GALNT13: variants seen among roughly 807,000 people sequenced by gnomAD.
The protein encoded by GALNT13 is polypeptide N-acetylgalactosaminyltransferase 13.
In GALNT13, 28 loss-of-function variants were observed where a neutral mutation model predicts 64.2. That is an observed-to-expected ratio of 0.44 (90% CI 0.32 to 0.60). The LOEUF (loss-of-function observed/expected upper bound fraction) is 0.60. GALNT13 is among the 20% of genes least tolerant of loss of function. The probability of loss-of-function intolerance (pLI) is 0.05; values close to 1 mark genes in which losing one functional copy is unlikely to be tolerated. For synonymous variants in GALNT13, 214 were observed against 224.6 expected, an observed-to-expected ratio of 0.95 and a Z score of 0.42; for missense variants, 577 against 669.8, an observed-to-expected ratio of 0.86 and a Z score of 1.53.
chr2:154,211,098 A>C (rs1183254986), intron 4 of GALNT13, among the ~76,000 whole-genome samples: 2 of 151,696 alleles, frequency 1.3e-5, no homozygotes, highest in Non-Finnish European at 2.9e-5. Flanking sequence ...GAAATGTGTG[A>C]GTTTTCAACA....
chr2:154,049,042 T>A (rs1031951267), intron 3 of GALNT13, among the ~76,000 whole-genome samples: 8 of 152,134 alleles, frequency 5.3e-5, no homozygotes, highest in South Asian at 2.1e-4. Context: ...AAGAATTTTT[T>A]AAAAAAATAA....
At chr2:153,947,459 A>G (rs936482688) in intron 3 of GALNT13, among the ~76,000 whole-genome samples, 6 of 149,066 alleles carry the variant, frequency 4.0e-5, no homozygotes, top group African/African-American at 1.5e-4. Flanking sequence ...TTTTTTTCAT[A>G]TGATTGTTGG....
At chr2:153,495,621 C>T in the GALNT13 span, among the ~76,000 whole-genome samples, 5 of 152,136 alleles carry the variant, frequency 3.3e-5, no homozygotes, top group Non-Finnish European at 5.9e-5. Flanking sequence ...GGATGAATCT[C>T]AAAATGCTGA....
chr2:153,760,931 T>C, the GALNT13 span, among the ~76,000 whole-genome samples: 2 of 152,186 alleles, frequency 1.3e-5, no homozygotes, highest in Admixed American at 6.5e-5. Context: ...ATTATGTATT[T>C]ACACTTGTTA....
At chr2:153,976,282 C>T (rs935216034) in intron 3 of GALNT13, among the ~76,000 whole-genome samples, 1 of 152,052 alleles carries the variant, frequency 6.6e-6, no homozygotes, top group African/African-American at 2.4e-5. Context: ...ATTAATCAAT[C>T]TGCTTTACAA....
chr2:154,329,977 T>C (rs1340930727), intron 9 of GALNT13, among the ~76,000 whole-genome samples: 1 of 152,072 alleles, frequency 6.6e-6, no homozygotes, highest in Non-Finnish European at 1.5e-5. Flanking sequence ...CCTCTTTTCT[T>C]TGTAAATTAC....
chr2:153,678,156 A>AATATATATATATAT, the GALNT13 span, among the ~76,000 whole-genome samples: 12 of 145,654 alleles, frequency 8.2e-5, no homozygotes, highest in South Asian at 2.2e-4. Flanking sequence ...CCGACAAATG[A>AATATATATATATAT]ATATATATAT....
At chr2:154,020,689 A>C (rs1309827375) in intron 3 of GALNT13, among the ~76,000 whole-genome samples, 1 of 150,198 alleles carries the variant, frequency 6.7e-6, no homozygotes, top group Non-Finnish European at 1.5e-5. Context: ...TGCTGTGCAG[A>C]AGCTCTTTAG....
chr2:153,838,370 T>C, the GALNT13 span, among the ~76,000 whole-genome samples: 1 of 152,036 alleles, frequency 6.6e-6, no homozygotes, highest in African/African-American at 2.4e-5. Context: ...TCTAGGATTT[T>C]TATGGTTTCA....
At chr2:154,034,295 T>C (rs1308101238) in intron 3 of GALNT13, among the ~76,000 whole-genome samples, 2 of 152,128 alleles carry the variant, frequency 1.3e-5, no homozygotes. Flanking sequence ...AAAAACTAAA[T>C]GAACTATTGA....
At chr2:154,225,153 A>C (rs1049564989) in intron 4 of GALNT13, among the ~76,000 whole-genome samples, 1 of 115,006 alleles carries the variant, frequency 8.7e-6, no homozygotes, top group Non-Finnish European at 1.8e-5. Context: ...GATGACAGAT[A>C]GATAGATGAT....
At chr2:153,221,958 T>C in the GALNT13 span, among the ~76,000 whole-genome samples, 1 of 152,114 alleles carries the variant, frequency 6.6e-6, no homozygotes, top group African/African-American at 2.4e-5. Context: ...AGGTCTGGGC[T>C]CCCTGAAGAG....
intron 3 of GALNT13, among the ~76,000 whole-genome samples, chr2:154,095,553 T>C (rs559876129): frequency 1.4e-3 from 215 of 152,030 alleles, no homozygotes; most frequent in Non-Finnish European, 2.1e-3. Context: ...TTCATTCTTA[T>C]CCTTAACTAT....
the GALNT13 span, among the ~76,000 whole-genome samples, chr2:153,754,377 C>A: frequency 5.3e-5 from 8 of 152,138 alleles, no homozygotes; most frequent in Non-Finnish European, 1.2e-4. Context: ...TATTCAGAGC[C>A]CAAGGGCTCT....
chr2:153,383,737 A>C, the GALNT13 span, among the ~76,000 whole-genome samples: 1 of 152,024 alleles, frequency 6.6e-6, no homozygotes, highest in Non-Finnish European at 1.5e-5. Context: ...TCCAATTTAC[A>C]AGTAAGAGGC....
chr2:153,369,048 T>G, the GALNT13 span, among the ~76,000 whole-genome samples: 4,177 of 152,122 alleles, frequency 0.027, 177 homozygotes, highest in African/African-American at 0.094. Context: ...TATTTGGAAA[T>G]TAAGTATCAT....
the GALNT13 span, among the ~76,000 whole-genome samples, chr2:153,409,332 G>A: frequency 4.7e-4 from 65 of 137,086 alleles, no homozygotes; most frequent in African/African-American, 2.1e-3. Context: ...ATATTCATAT[G>A]TATATGTATA....
At chr2:153,355,193 A>G in the GALNT13 span, among the ~76,000 whole-genome samples, 2 of 152,182 alleles carry the variant, frequency 1.3e-5, no homozygotes, top group African/African-American at 4.8e-5. Context: ...TTGTCAGTAA[A>G]TCTGGACAAA....
At chr2:153,909,158 G>A (rs1688778980) in intron 2 of GALNT13, among the ~76,000 whole-genome samples, 2 of 152,016 alleles carry the variant, frequency 1.3e-5, no homozygotes, top group South Asian at 4.1e-4. Context: ...TGTCACAGTT[G>A]TGAATGGGAT....
Sources: allele counts gnomAD v4.1 joint callset (sites outside exome capture counted in the v4.1 genomes callset), GRCh38; gene constraint gnomAD v4.1.1; transcripts MANE v1.5; gene names NCBI Gene and HGNC (gene_info 2026-07-23, HGNC 2026-07-21).